Variants in LONRF1 observed in about 807,000 individuals in gnomAD.
LONRF1 encodes the protein LON peptidase N-terminal domain and RING finger protein 1.
A neutral mutation model predicts 85.8 loss-of-function variants in LONRF1; 37 were observed. The observed-to-expected ratio is 0.43, with a 90% confidence interval of 0.33 to 0.57. The LOEUF (loss-of-function observed/expected upper bound fraction) is 0.57. Ranked by LOEUF, LONRF1 falls within the 20% of genes least tolerant of loss-of-function variation. The pLI is 0.04. For synonymous variants in LONRF1, 517 were observed against 390.1 expected, an observed-to-expected ratio of 1.33 and a Z score of -3.83; for missense variants, 1,036 against 978.0, an observed-to-expected ratio of 1.06 and a Z score of -0.79.
chr8:12,742,116 T>C (rs939005110), intron 2 of LONRF1, among the ~76,000 whole-genome samples: 1 of 152,208 alleles, frequency 6.6e-6, no homozygotes, highest in African/African-American at 2.4e-5. Flanking sequence ...ATCCAAAAGA[T>C]TCCTTTTCAA....
chr8:12,754,492 T>A, intron 1 of LONRF1: 1 of 479,986 alleles, frequency 2.1e-6, no homozygotes, highest in Non-Finnish European at 3.2e-6. Flanking sequence ...CACAGTCGGC[T>A]CCCAGGGCGA....
At chr8:12,735,437 A>C (rs191916124) in intron 6 of LONRF1, 37 bp from the exon 7 acceptor site, 11 of 1,331,436 alleles carry the variant, frequency 8.3e-6, no homozygotes, top group Non-Finnish European at 1.2e-5. Context: ...TTTTCACATT[A>C]AACTATCCAC....
chr8:12,754,676 C>T, intron 1 of LONRF1, 24 bp downstream of exon 1: 1 of 1,326,216 alleles, frequency 7.5e-7, no homozygotes, highest in East Asian at 3.2e-5. Context: ...TCGGCCCGGC[C>T]CCGCCGCATC....
chr8:12,733,766 T>C (rs1798617553), intron 7 of LONRF1, among the ~76,000 whole-genome samples: 2 of 152,076 alleles, frequency 1.3e-5, no homozygotes, highest in Non-Finnish European at 2.9e-5. Flanking sequence ...GTATCTAAAA[T>C]AGATGGAAAT....
chr8:12,736,606 G>A (rs1798723490), intron 6 of LONRF1, 95 bp downstream of exon 6: 1 of 826,276 alleles, frequency 1.2e-6, no homozygotes, highest in Non-Finnish European at 1.9e-6. Context: ...CCAGCATTGT[G>A]TTACTTTACA....
At chr8:12,729,405 G>A (rs1023562594) in intron 8 of LONRF1, 73 bp from the exon 9 acceptor site, 1 of 1,462,508 alleles carries the variant, frequency 6.8e-7, no homozygotes, top group Non-Finnish European at 9.5e-7. Context: ...AAAAATGAGT[G>A]AGGTTTATAA....
chr8:12,723,769 T>G (rs1008582955), intron 11 of LONRF1, among the ~76,000 whole-genome samples: 4 of 152,242 alleles, frequency 2.6e-5, no homozygotes, highest in Non-Finnish European at 5.9e-5. Context: ...GCTATAGATT[T>G]AAAGCATTAA....
At chr8:12,732,880 C>T (rs1798580291) in intron 7 of LONRF1, among the ~76,000 whole-genome samples, 1 of 152,142 alleles carries the variant, frequency 6.6e-6, no homozygotes, top group Non-Finnish European at 1.5e-5. Context: ...GTGAGGAAAA[C>T]CTCCTGGGAA....
In LONRF1 at chr8:12,755,167, C is replaced by A. The variant is rs1480985177; in HGVS notation, c.254G>T (p.Cys85Phe). Residue 85 changes from cysteine (C) to phenylalanine (F), a missense_variant, in exon 1 of 12, where the codon TGC becomes TTC. Transcript: ENST00000398246. ...CAGGCAGTCCACCAGGGCGCCCAGG[C>A]ACTCGGGCCTGGCCGGGGCCCCGCG... is the stretch of plus-strand genomic sequence containing the variant. ...LRRGAPARPECLGALVDCLVF... is the reference protein window; with the variant it reads ...LRRGAPARPEFLGALVDCLVF... The A allele has an allele frequency of 2.8e-6, 4 of 1,405,764 alleles. No homozygotes were observed. Among genetic ancestry groups the A allele is most frequent in the Admixed American group, 5.7e-5 (2 of 35,114 alleles). 87.1% of individuals were successfully genotyped at this position (1,405,764 alleles called of 1,614,324 possible).
intron 1 of LONRF1, among the ~76,000 whole-genome samples, chr8:12,746,901 G>T (rs563602042): frequency 6.6e-6 from 1 of 152,202 alleles, no homozygotes; most frequent in East Asian, 1.9e-4. Flanking sequence ...TAAGTTAATC[G>T]GTGCATAGTA....
chr8:12,732,744 C>T (rs1043409982), intron 7 of LONRF1, among the ~76,000 whole-genome samples: 6 of 152,132 alleles, frequency 3.9e-5, no homozygotes, highest in African/African-American at 1.4e-4. Flanking sequence ...TATATGTACA[C>T]AGATATATTA....
chr8:12,740,866 C>T lies in LONRF1; in HGVS notation c.963+8G>A, dbSNP rs552677067. The T allele has an allele frequency of 6.2e-6, 10 of 1,612,324 alleles. No homozygotes were observed. The African/African-American group carries it at 1.2e-4, about 19-fold the overall frequency. ...ACCATGAACTGTAATTGTTGGTAAACTGATTACCTTTTGTACTTGCAGCTT... is the reference window on the plus strand; with the variant it reads ...ACCATGAACTGTAATTGTTGGTAAATTGATTACCTTTTGTACTTGCAGCTT... On this transcript the variant is annotated splice_region_variant and intron_variant, in intron 3 of 11. Transcript: ENST00000398246.
At chr8:12,750,367 T>C (rs1365290679) in intron 1 of LONRF1, among the ~76,000 whole-genome samples, 2 of 152,228 alleles carry the variant, frequency 1.3e-5, no homozygotes, top group Non-Finnish European at 2.9e-5. Context: ...CACGGATGCC[T>C]GCAACTTCAG....
intron 8 of LONRF1, among the ~76,000 whole-genome samples, chr8:12,729,624 T>C (rs1019368650): frequency 6.6e-6 from 1 of 152,092 alleles, no homozygotes; most frequent in African/African-American, 2.4e-5. Flanking sequence ...TGTTTATGAA[T>C]CAAGAGAATT....
At position 12,723,926 on chromosome 8, in the gene LONRF1, T is replaced by C. The variant is rs117737290; in HGVS notation, c.2164-672A>G. 1.8e-3 allele frequency among the ~76,000 whole-genome samples: 274 copies of C among 152,340 alleles called. 5 individuals are homozygous for C. In the East Asian group the frequency reaches 0.039, roughly 22 times the overall value. ...CTGGTAATGCTGTGAGGGCTGACTATTGGCTATTGAAACAACTAGAAATTT... is the reference window on the plus strand; with the variant it reads ...CTGGTAATGCTGTGAGGGCTGACTACTGGCTATTGAAACAACTAGAAATTT... On this transcript the variant is annotated intron_variant, in intron 11 of 11. Coordinates refer to ENST00000398246, the MANE Select transcript of LONRF1 (RefSeq NM_152271.5).
chr8:12,729,295 C>A lies in LONRF1; in HGVS notation c.1726G>T (p.Ala576Ser). The change falls in exon 9 of 12, where the codon GCC becomes TCC. Residue 576 changes from alanine (A) to serine (S), a missense_variant. Transcript: ENST00000398246. Reference sequence around the variant, plus strand: ...AGAGGGCAAGGCACAGTGGGGTAGGCCATAGTGCAAACAAATATTGGAACA... The same window carrying A: ...AGAGGGCAAGGCACAGTGGGGTAGGACATAGTGCAAACAAATATTGGAACA... ...KNVPIFVCTMAYPTVPCPLHV... is the reference protein window; with the variant it reads ...KNVPIFVCTMSYPTVPCPLHV... 6.2e-7 allele frequency: 1 copy of A among 1,613,806 alleles called. No individual in the cohort carries two copies. Among genetic ancestry groups the A allele is most frequent in the Non-Finnish European group, 8.5e-7 (1 of 1,179,852 alleles).
At position 12,755,037 on chromosome 8, in the gene LONRF1, G is replaced by A. The variant is rs1420578190; in HGVS notation, c.384C>T (p.Gly128=). 6.7e-7 allele frequency: 1 copy of A among 1,490,584 alleles called. No homozygotes were observed. The highest frequency in any genetic ancestry group is 8.9e-7 in the Non-Finnish European group (1 of 1,127,010). The allele number at this position is 1,490,584 out of a possible 1,614,324, so 92.3% of individuals were successfully genotyped here. A position where few individuals can be genotyped will look rare whatever the true frequency, so the allele number is the denominator to read the frequency against. The part of the protein sequence containing the change: ...GGLLRCLGCR[G]FLSEPVTVPC... ...GCACGGTCACCGGCTCGCTCAGGAA[G>A]CCCCGGCAGCCCAGGCATCTGAGGA... Residue 128 remains glycine, a synonymous_variant, in exon 1 of 12, where the codon GGC becomes GGT. Coordinates refer to ENST00000398246, the MANE Select transcript of LONRF1 (RefSeq NM_152271.5).
chr8:12,738,171 G>T, intron 3 of LONRF1, 27 bp from the exon 4 acceptor site: 1 of 1,368,292 alleles, frequency 7.3e-7, no homozygotes, highest in Non-Finnish European at 9.9e-7. Flanking sequence ...AAAAGTAGTA[G>T]AAAATATAAA....
Position 12,737,010 on chromosome 8 carries a change from G to C in LONRF1, c.1244C>G (p.Pro415Arg), listed in dbSNP as rs774142716. The C allele has an allele frequency of 5.0e-6, 8 of 1,613,624 alleles. No individual in the cohort carries two copies. In the East Asian group the frequency reaches 1.8e-4, roughly 36 times the overall value. The change falls in exon 5 of 12, where the codon CCT becomes CGT. Residue 415 changes from proline (P) to arginine (R), a missense_variant. Transcript: ENST00000398246. ...ACCTTTTTCTTGAACTGACAGAACAGGTTCTGAGGACACTCTTTTTAAACA... is the reference window on the plus strand; with the variant it reads ...ACCTTTTTCTTGAACTGACAGAACACGTTCTGAGGACACTCTTTTTAAACA... ...EDCLKRVSSE[P>R]VLSVQEKGVL... is the part of the protein sequence containing the mutation.
Sources: allele counts gnomAD v4.1 joint callset (sites outside exome capture counted in the v4.1 genomes callset), GRCh38; gene constraint gnomAD v4.1.1; transcripts MANE v1.5; gene names NCBI Gene and HGNC (gene_info 2026-07-23, HGNC 2026-07-21).